Variants in HMX2 observed in about 807,000 individuals in gnomAD.
HMX2 encodes the protein homeobox protein HMX2.
In HMX2, 15 loss-of-function variants were observed where a neutral mutation model predicts 21.2. The observed-to-expected ratio is 0.71, with a 90% CI of 0.47 to 1.09. HMX2 has a LOEUF of 1.09. HMX2 is among the 50% of genes least tolerant of loss of function. HMX2 has a pLI of 0.00. For synonymous variants in HMX2, 193 were observed against 181.0 expected (o/e 1.07, Z -0.53); for missense variants, 440 against 381.5 (o/e 1.15, Z -1.28).
At position 123,149,088 on chromosome 10, in the gene HMX2, T is replaced by C. The variant is rs1844236787; in HGVS notation, c.268+442T>C. Among the ~76,000 whole-genome samples, 1 of 152,238 alleles carries C rather than the reference T, an allele frequency of 6.6e-6. No individual in the cohort carries two copies. Among genetic ancestry groups the C allele is most frequent in the African/African-American group, 2.4e-5 (1 of 41,468 alleles). On this transcript the variant is annotated intron_variant, in intron 1 of 1. Transcript: ENST00000339992. The surrounding 1 kb of genome is among the most constrained non-coding windows in gnomAD (Gnocchi z 5.4). ...CTTTCTCTCTCTCTCCTCCTTGGAA[T>C]GATTAGCACTCCAAGATGATTGACA...
intron 1 of HMX2, 130 bp downstream of exon 1, chr10:123,148,776 G>A (rs933942816): frequency 3.4e-6 from 4 of 1,168,066 alleles, no homozygotes; most frequent in Non-Finnish European, 4.7e-6. Flanking sequence ...GGGACCGCGG[G>A]GAGAGGGGCG....
chr10:123,148,524 T>C lies in HMX2; in HGVS notation c.146T>C (p.Val49Ala). ...GWPARKRSLS[V>A]SSEEEEPDDG... ...CCAGCCAGGAAGCGCAGCCTGTCCG[T>C]GTCCTCGGAGGAGGAGGAGCCGGAC... The change falls in exon 1 of 2, where the codon GTG becomes GCG. Residue 49 changes from valine to alanine, a missense_variant. By Grantham distance (64) the Val-to-Ala change is moderately conservative (BLOSUM62 0). Transcript: ENST00000339992. The C allele has an allele frequency of 1.2e-6, 2 of 1,613,050 alleles. No individual in the cohort carries two copies. Among genetic ancestry groups the C allele is most frequent in the Non-Finnish European group, 1.7e-6 (2 of 1,179,684 alleles).
In HMX2 at chr10:123,149,684, C is replaced by T; in HGVS notation, c.383C>T (p.Ser128Leu). ...EEKERLLPAGSPSPGSERPRD... is the reference protein window; with the variant it reads ...EEKERLLPAGLPSPGSERPRD... Reference sequence around the variant, plus strand: ...AAAGAGAGGCTCCTGCCCGCGGGCTCGCCCTCGCCGGGGTCCGAGCGGCCG... The same window carrying T: ...AAAGAGAGGCTCCTGCCCGCGGGCTTGCCCTCGCCGGGGTCCGAGCGGCCG... Residue 128 changes from serine to leucine, a missense_variant, in exon 2 of 2, where the codon TCG becomes TTG. Transcript: ENST00000339992. This position sits in a 1 kb window ranked among gnomAD's most constrained non-coding sequence, Gnocchi z 5.4. 6 of 1,564,862 alleles carry T rather than the reference C, an allele frequency of 3.8e-6. No individual in the cohort carries two copies. The highest frequency in any genetic ancestry group is 3.5e-5 in the South Asian group (3 of 85,060).
In HMX2 at chr10:123,150,167, G is replaced by A; in HGVS notation, c.*44G>A. ...CCGCCCCCAGCTGCCCGCAGAGCCG[G>A]GCGCGTACTGTACTGTAAGCAGGGC... On this transcript the variant is annotated 3_prime_UTR_variant, in exon 2 of 2. Coordinates refer to ENST00000339992, the MANE Select transcript of HMX2 (RefSeq NM_005519.2). The surrounding 1 kb of genome is among the most constrained non-coding windows in gnomAD (Gnocchi z 4.2). 1 of 1,470,028 alleles carries A rather than the reference G, an allele frequency of 6.8e-7. No individual in the cohort carries two copies. Among genetic ancestry groups the A allele is most frequent in the South Asian group, 1.3e-5 (1 of 76,098 alleles). The allele number at this position is 1,470,028 out of a possible 1,614,324, so 91.1% of individuals were successfully genotyped here.
chr10:123,150,127 G>C lies in HMX2; in HGVS notation c.*4G>C. The C allele has an allele frequency of 6.6e-7, 1 of 1,524,986 alleles. No homozygotes were observed. Among genetic ancestry groups the C allele is most frequent in the Non-Finnish European group, 8.8e-7 (1 of 1,137,024 alleles). 94.5% of individuals were successfully genotyped at this position (1,524,986 alleles called of 1,614,324 possible). On this transcript the variant is annotated 3_prime_UTR_variant, in exon 2 of 2. Transcript: ENST00000339992. The surrounding 1 kb of genome is among the most constrained non-coding windows in gnomAD (Gnocchi z 4.2). ...ATACAACAAGCTCGACTACTGACCGGCCCGCCGCCCCGCGCCGCCCCCAGC... is the reference window on the plus strand; with the variant it reads ...ATACAACAAGCTCGACTACTGACCGCCCCGCCGCCCCGCGCCGCCCCCAGC...
rs1478160228 is a variant in HMX2 at position 123,148,260 on chromosome 10, C to A, written c.-119C>A. The A allele has an allele frequency of 5.0e-6, 5 of 998,084 alleles. No individual in the cohort carries two copies. In the African/African-American group the frequency reaches 8.3e-5, roughly 17 times the overall value. 61.8% of individuals were successfully genotyped at this position (998,084 alleles called of 1,614,324 possible). ...CCTCACCAGCCTCGGCGCCCCCTCCCCCTAGATTTCCTCCCCGCCCCTCCC... is the reference window on the plus strand; with the variant it reads ...CCTCACCAGCCTCGGCGCCCCCTCCACCTAGATTTCCTCCCCGCCCCTCCC... On this transcript the variant is annotated 5_prime_UTR_variant, in exon 1 of 2. Transcript: ENST00000339992.
At chr10:123,148,957 C>A (rs1392890092) in intron 1 of HMX2, among the ~76,000 whole-genome samples, 1 of 152,226 alleles carries the variant, frequency 6.6e-6, no homozygotes, top group Non-Finnish European at 1.5e-5. Flanking sequence ...ACATCTGGTA[C>A]TTTCTTTCCG....
At position 123,150,143 on chromosome 10, in the gene HMX2, C is replaced by T. The variant is rs756382339; in HGVS notation, c.*20C>T. 19 of 1,506,666 alleles carry T rather than the reference C, an allele frequency of 1.3e-5. No individual in the cohort carries two copies. The highest frequency in any genetic ancestry group is 1.2e-4 in the Admixed American group (6 of 50,182). The allele number at this position is 1,506,666 out of a possible 1,614,324, so 93.3% of individuals were successfully genotyped here. A position where few individuals can be genotyped will look rare whatever the true frequency, so the allele number is the denominator to read the frequency against. On this transcript the variant is annotated 3_prime_UTR_variant, in exon 2 of 2. Transcript: ENST00000339992. The surrounding 1 kb of genome is among the most constrained non-coding windows in gnomAD (Gnocchi z 4.2). ...TACTGACCGGCCCGCCGCCCCGCGC[C>T]GCCCCCAGCTGCCCGCAGAGCCGGG... is the stretch of plus-strand genomic sequence containing the variant.
Position 123,148,255 on chromosome 10 carries a change from C to G in HMX2, c.-124C>G. On this transcript the variant is annotated 5_prime_UTR_variant, in exon 1 of 2. Transcript: ENST00000339992. ...GGACGCCTCACCAGCCTCGGCGCCC[C>G]CTCCCCCTAGATTTCCTCCCCGCCC... 2 of 987,538 alleles carry G rather than the reference C, an allele frequency of 2.0e-6. 1 individual carries two copies. The highest frequency in any genetic ancestry group is 3.3e-5 in the African/African-American group (2 of 59,964). 61.2% of individuals were successfully genotyped at this position (987,538 alleles called of 1,614,324 possible). A position where few individuals can be genotyped will look rare whatever the true frequency, so the allele number is the denominator to read the frequency against.
chr10:123,149,514 G>A lies in HMX2; in HGVS notation c.269-56G>A. 1 of 1,369,662 alleles carries A rather than the reference G, an allele frequency of 7.3e-7. No homozygotes were observed. Among genetic ancestry groups the A allele is most frequent in the Non-Finnish European group, 9.5e-7 (1 of 1,049,106 alleles). 84.8% of individuals were successfully genotyped at this position (1,369,662 alleles called of 1,614,324 possible). A position where few individuals can be genotyped will look rare whatever the true frequency, so the allele number is the denominator to read the frequency against. ...CGCTTGGTCCCAGGGAGAGCTGGCG[G>A]TCTCCGAGGCTCCCCAACCAACTCC... On this transcript the variant is annotated intron_variant, in intron 1 of 1. Transcript: ENST00000339992. The surrounding 1 kb of genome is among the most constrained non-coding windows in gnomAD (Gnocchi z 5.4).
In HMX2 at chr10:123,148,479, C is replaced by A. The variant is rs145603738; in HGVS notation, c.101C>A (p.Pro34Gln). 1 of 1,612,310 alleles carries A rather than the reference C, an allele frequency of 6.2e-7. No homozygotes were observed. Among genetic ancestry groups the A allele is most frequent in the African/African-American group, 1.3e-5 (1 of 74,886 alleles). ...CTGGGCGGGGGCCCCTCGGAGGCACCGCGGGAGCCCGTCGGCTGGCCAGCC... is the reference window on the plus strand; with the variant it reads ...CTGGGCGGGGGCCCCTCGGAGGCACAGCGGGAGCCCGTCGGCTGGCCAGCC... ...SILGGGPSEA[P>Q]REPVGWPARK... is the part of the protein sequence containing the mutation. The change falls in exon 1 of 2, where the codon CCG (proline) becomes CAG (glutamine). Residue 34 changes from proline (P) to glutamine (Q), a missense_variant. Transcript: ENST00000339992.
Position 123,149,467 on chromosome 10 carries a change from A to G in HMX2, c.269-103A>G. 1.0e-6 allele frequency: 1 copy of G among 965,506 alleles called. No individual in the cohort carries two copies. Among genetic ancestry groups the G allele is most frequent in the Non-Finnish European group, 1.4e-6 (1 of 691,352 alleles). The allele number at this position is 965,506 out of a possible 1,614,324, so 59.8% of individuals were successfully genotyped here. ...AGGAGGGGATTGGTAAGGTGGGACC[A>G]AGGCTGCAGGCGCTTGCCAACCGCT... On this transcript the variant is annotated intron_variant, in intron 1 of 1. Coordinates refer to ENST00000339992, the MANE Select transcript of HMX2 (RefSeq NM_005519.2). The surrounding 1 kb of genome is among the most constrained non-coding windows in gnomAD (Gnocchi z 5.4).
rs1299998553 is a variant in HMX2, at chr10:123,149,533, C to T, written c.269-37C>T. The stretch of plus-strand genomic sequence containing the variant: ...CTGGCGGTCTCCGAGGCTCCCCAAC[C>T]AACTCCATGGCCTTTCTGTCTGTTC... On this transcript the variant is annotated intron_variant, in intron 1 of 1. Coordinates refer to ENST00000339992, the MANE Select transcript of HMX2 (RefSeq NM_005519.2). The surrounding 1 kb of genome is among the most constrained non-coding windows in gnomAD (Gnocchi z 5.4). The T allele has an allele frequency of 1.4e-6, 2 of 1,406,104 alleles. No individual in the cohort carries two copies. Among genetic ancestry groups the T allele is most frequent in the Non-Finnish European group, 1.9e-6 (2 of 1,078,982 alleles). 87.1% of individuals were successfully genotyped at this position (1,406,104 alleles called of 1,614,324 possible).
In HMX2 at chr10:123,148,222, C is replaced by G. The variant is rs957602075; in HGVS notation, c.-157C>G. On this transcript the variant is annotated 5_prime_UTR_variant, in exon 1 of 2. Coordinates refer to ENST00000339992, the MANE Select transcript of HMX2 (RefSeq NM_005519.2). ...CCATCCGGTGCCTGCATGTCCCTGG[C>G]GCGGAAGGGACGCCTCACCAGCCTC... is the stretch of plus-strand genomic sequence containing the variant. 1.3e-6 allele frequency: 1 copy of G among 759,166 alleles called. No individual in the cohort carries two copies. Among genetic ancestry groups the G allele is most frequent in the Non-Finnish European group, 2.1e-6 (1 of 466,402 alleles). The allele number at this position is 759,166 out of a possible 1,614,324, so 47.0% of individuals were successfully genotyped here.
In HMX2 at chr10:123,149,751, G is replaced by A; in HGVS notation, c.450G>A (p.Lys150=). 2 of 1,566,820 alleles carry A rather than the reference G, an allele frequency of 1.3e-6. No individual in the cohort carries two copies. The highest frequency in any genetic ancestry group is 2.4e-5 in the South Asian group (2 of 84,838). Residue 150 remains lysine (K), a synonymous_variant, in exon 2 of 2, where the codon AAG becomes AAA. Transcript: ENST00000339992. The surrounding 1 kb of genome is among the most constrained non-coding windows in gnomAD (Gnocchi z 5.4). ...GAERQAGAAK[K]KTRTVFSRSQ... is the part of the protein sequence containing the mutation. ...AGCGGCAGGCCGGCGCGGCCAAGAA[G>A]AAGACGCGCACCGTCTTTTCGCGCA... is the stretch of plus-strand genomic sequence containing the variant.
In HMX2 at chr10:123,150,029, C is replaced by T. The variant is rs752047204; in HGVS notation, c.728C>T (p.Pro243Leu). The change falls in exon 2 of 2, where the codon CCG (proline) becomes CTG (leucine). Residue 243 changes from proline to leucine, a missense_variant. By Grantham distance (98) the Pro-to-Leu change is moderately conservative. Coordinates refer to ENST00000339992, the MANE Select transcript of HMX2 (RefSeq NM_005519.2). This position sits in a 1 kb window ranked among gnomAD's most constrained non-coding sequence, Gnocchi z 4.2. ...RDSSLLRVPV[P>L]RSLAFPAPLY... Reference sequence around the variant, plus strand: ...AGTTCGCTGCTGCGCGTGCCGGTGCCGCGCTCGCTCGCCTTTCCCGCGCCG... The same window carrying T: ...AGTTCGCTGCTGCGCGTGCCGGTGCTGCGCTCGCTCGCCTTTCCCGCGCCG... The T allele has an allele frequency of 1.9e-6, 3 of 1,606,114 alleles. No individual in the cohort carries two copies. Among genetic ancestry groups the T allele is most frequent in the African/African-American group, 2.7e-5 (2 of 74,824 alleles).
chr10:123,149,679 G>A lies in HMX2; in HGVS notation c.378G>A (p.Ala126=), dbSNP rs1317997821. The A allele has an allele frequency of 3.8e-6, 6 of 1,561,912 alleles. No individual in the cohort carries two copies. Among genetic ancestry groups the A allele is most frequent in the Non-Finnish European group, 5.2e-6 (6 of 1,159,754 alleles). ...FKEEKERLLP[A]GSPSPGSERP... ...AAGAGAAAGAGAGGCTCCTGCCCGC[G>A]GGCTCGCCCTCGCCGGGGTCCGAGC... The change falls in exon 2 of 2, where the codon GCG becomes GCA. Residue 126 remains alanine (A), a synonymous_variant. Coordinates refer to ENST00000339992, the MANE Select transcript of HMX2 (RefSeq NM_005519.2). The surrounding 1 kb of genome is among the most constrained non-coding windows in gnomAD (Gnocchi z 5.4).
In HMX2 at chr10:123,148,630, C is replaced by A. The variant is rs963762063; in HGVS notation, c.252C>A (p.Ile84=). The change falls in exon 1 of 2, where the codon ATC becomes ATA. Residue 84 remains isoleucine (I), a synonymous_variant. Coordinates refer to ENST00000339992, the MANE Select transcript of HMX2 (RefSeq NM_005519.2). ...KEQGPKHHPP[I]PFPCLGTPKG... ...AGGGCCCCAAGCACCATCCCCCCATCCCTTTTCCTTGCCTGGGTAAGGATC... is the reference window on the plus strand; with the variant it reads ...AGGGCCCCAAGCACCATCCCCCCATACCTTTTCCTTGCCTGGGTAAGGATC... The A allele has an allele frequency of 3.7e-6, 6 of 1,610,296 alleles. No individual in the cohort carries two copies. In the East Asian group the frequency reaches 1.1e-4, roughly 30 times the overall value.
Position 123,148,455 on chromosome 10 carries a change from T to C in HMX2, c.77T>C (p.Leu26Pro). ...GVSSFTIQSI[L>P]GGGPSEAPRE... ...TCCAGCTTCACCATCCAGTCCATCC[T>C]GGGCGGGGGCCCCTCGGAGGCACCG... is the stretch of plus-strand genomic sequence containing the variant. Residue 26 changes from leucine (L) to proline (P), a missense_variant, in exon 1 of 2, where the codon CTG (leucine) becomes CCG (proline). Coordinates refer to ENST00000339992, the MANE Select transcript of HMX2 (RefSeq NM_005519.2). 1.9e-6 allele frequency: 3 copies of C among 1,613,208 alleles called. No individual in the cohort carries two copies. Among genetic ancestry groups the C allele is most frequent in the East Asian group, 2.2e-5 (1 of 44,850 alleles).
Sources: allele counts gnomAD v4.1 joint callset (sites outside exome capture counted in the v4.1 genomes callset), GRCh38; gene constraint gnomAD v4.1.1; non-coding constraint Gnocchi (gnomAD v3.1); transcripts MANE v1.5; gene names NCBI Gene and HGNC (gene_info 2026-07-23, HGNC 2026-07-21).